Variants in GRIK1 observed in about 807,000 individuals in gnomAD.
GRIK1 encodes the protein glutamate ionotropic receptor kainate type subunit 1.
In GRIK1, 69 loss-of-function variants were observed where a neutral mutation model predicts 105.7. The ratio of observed to expected loss-of-function variants is 0.65; its 90% CI spans 0.54 to 0.80. GRIK1 has a LOEUF of 0.80. GRIK1 is among the 30% of genes least tolerant of loss of function. The probability of loss-of-function intolerance (pLI) is 0.00; values close to 1 mark genes in which losing one functional copy is unlikely to be tolerated. For missense variants in GRIK1, 1,109 were observed against 1,167.3 expected (o/e 0.95, Z 0.73); for synonymous variants, 438 against 431.3 (o/e 1.02, Z -0.19).
intron 1 of GRIK1, among the ~76,000 whole-genome samples, chr21:29,808,487 T>C (rs2066921723): frequency 6.6e-6 from 1 of 152,170 alleles, no homozygotes; most frequent in Non-Finnish European, 1.5e-5. Flanking sequence ...ATTGCCAATC[T>C]GATATGCTAT....
At chr21:29,865,599 A>G (rs1332590564) in intron 1 of GRIK1, among the ~76,000 whole-genome samples, 3 of 152,236 alleles carry the variant, frequency 2.0e-5, no homozygotes, top group Admixed American at 6.5e-5. Context: ...TGGGAACCTC[A>G]AACATCACTT....
Position 29,616,296 on chromosome 21 carries a change from A to G in GRIK1, c.1099-17359T>C, listed in dbSNP as rs184343880. Reference sequence around the variant, plus strand: ...GGGATACGGTACTCTCTTGTCCATCAAGCAAATACGTTTAGATTTAAAAAA... The same window carrying G: ...GGGATACGGTACTCTCTTGTCCATCGAGCAAATACGTTTAGATTTAAAAAA... On this transcript the variant is annotated intron_variant, in intron 7 of 17. Coordinates refer to ENST00000327783, the MANE Select transcript of GRIK1 (RefSeq NM_001330994.2). Among the ~76,000 whole-genome samples, 13 of 152,256 alleles carry G rather than the reference A, an allele frequency of 8.5e-5. No individual in the cohort carries two copies. In the East Asian group the frequency reaches 1.9e-3, roughly 23 times the overall value.
At chr21:29,847,457 T>C (rs1172885089) in intron 1 of GRIK1, among the ~76,000 whole-genome samples, 1 of 152,028 alleles carries the variant, frequency 6.6e-6, no homozygotes, top group African/African-American at 2.4e-5. Context: ...TAGCTGGGCG[T>C]GGTAGTGCGA....
chr21:29,680,572 C>T (rs145447686), intron 3 of GRIK1, among the ~76,000 whole-genome samples: 2,670 of 152,236 alleles, frequency 0.018, 37 homozygotes, highest in Middle Eastern at 0.037. Flanking sequence ...ATGGTTTTAG[C>T]GAACCACGGT....
At chr21:29,862,482 G>A (rs1601880904) in intron 1 of GRIK1, among the ~76,000 whole-genome samples, 2 of 420 alleles carry the variant, frequency 4.8e-3, no homozygotes, top group South Asian at 0.17. Flanking sequence ...AGTAAAACAG[G>A]ATTATTAGCT....
intron 7 of GRIK1, among the ~76,000 whole-genome samples, chr21:29,604,064 A>G (rs1304725427): frequency 6.6e-6 from 1 of 152,206 alleles, no homozygotes; most frequent in African/African-American, 2.4e-5. Flanking sequence ...CATATGGCTT[A>G]TAGCGGGGTC....
intron 1 of GRIK1, among the ~76,000 whole-genome samples, chr21:29,776,802 T>A (rs1452302643): frequency 1.3e-5 from 2 of 152,192 alleles, no homozygotes; most frequent in Non-Finnish European, 2.9e-5. Flanking sequence ...TTGCCAGGGA[T>A]CTTAGGTAGA....
chr21:29,883,544 T>C (rs186063792), intron 1 of GRIK1, among the ~76,000 whole-genome samples: 58 of 151,892 alleles, frequency 3.8e-4, no homozygotes, highest in African/African-American at 1.4e-3. Context: ...TCCTTCCAAA[T>C]AGAAAAAATA....
intron 3 of GRIK1, among the ~76,000 whole-genome samples, chr21:29,683,633 G>T (rs8126596): frequency 0.014 from 2,142 of 152,228 alleles, 49 homozygotes; most frequent in African/African-American, 0.05. Flanking sequence ...GAGGAGGGAG[G>T]CAAGGGCTGA....
At chr21:29,794,720 G>T (rs1431221587) in intron 1 of GRIK1, among the ~76,000 whole-genome samples, 1 of 152,070 alleles carries the variant, frequency 6.6e-6, no homozygotes, top group African/African-American at 2.4e-5. Flanking sequence ...TTGTGTTATT[G>T]TACAGTTTGT....
At chr21:29,742,305 A>G (rs2064950125) in intron 1 of GRIK1, among the ~76,000 whole-genome samples, 2 of 152,224 alleles carry the variant, frequency 1.3e-5, no homozygotes, top group Non-Finnish European at 2.9e-5. Context: ...TTTATTAGAA[A>G]TACATTAAAT....
At position 29,876,475 on chromosome 21, in the gene GRIK1, C is replaced by T. The variant is rs969631762; in HGVS notation, c.118+62908G>A. Among the ~76,000 whole-genome samples, 15 of 152,138 alleles carry T rather than the reference C, an allele frequency of 9.9e-5. No homozygotes were observed. The East Asian group carries it at 2.9e-3, about 29-fold the overall frequency. ...ATGCTTTGACGATACCAGAATCTAC[C>T]CCCTACTGGTGTACATTTTTCATCA... is the stretch of plus-strand genomic sequence containing the variant. On this transcript the variant is annotated intron_variant, in intron 1 of 17. Transcript: ENST00000327783.
At chr21:29,630,248 A>T (rs966903042) in intron 7 of GRIK1, among the ~76,000 whole-genome samples, 1 of 152,156 alleles carries the variant, frequency 6.6e-6, no homozygotes, top group African/African-American at 2.4e-5. Flanking sequence ...GAGAAATTTG[A>T]CACTATATAG....
chr21:29,777,342 A>AT (rs926885268), intron 1 of GRIK1, among the ~76,000 whole-genome samples: 1 of 152,174 alleles, frequency 6.6e-6, no homozygotes, highest in African/African-American at 2.4e-5. Context: ...ATTTATATTA[A>AT]TCATTAACAA....
At chr21:29,687,619 G>T (rs910899893) in intron 3 of GRIK1, among the ~76,000 whole-genome samples, 1 of 152,162 alleles carries the variant, frequency 6.6e-6, no homozygotes, top group Non-Finnish European at 1.5e-5. Flanking sequence ...ACTGAGCACA[G>T]GTGAACTTGA....
chr21:29,867,101 C>T (rs558014905), intron 1 of GRIK1, among the ~76,000 whole-genome samples: 32 of 152,100 alleles, frequency 2.1e-4, no homozygotes, highest in South Asian at 4.2e-4. Flanking sequence ...GCTCAATAAC[C>T]TTTTGGAAAA....
At position 29,560,401 on chromosome 21, in the gene GRIK1, CT is replaced by C. The variant is rs1266910692; in HGVS notation, c.2356+1222del. Among the ~76,000 whole-genome samples, 760 of 79,874 alleles carry C rather than the reference CT, an allele frequency of 9.5e-3. 122 individuals carry two copies. Among genetic ancestry groups the C allele is most frequent in the African/African-American group, 0.049 (691 of 13,968 alleles). The allele number at this position is 79,874 out of a possible 152,430, so 52.4% of individuals were successfully genotyped here. On this transcript the variant is annotated intron_variant, in intron 15 of 17. Transcript: ENST00000327783. ...CCTTCCTTCCTTCCTTCCTTCCTTC[CT>C]TTCTTTCTTTCTTTCTTTCTTTCTT...
chr21:29,710,795 CCTTCCTTCCTTCCTTCCT>C (rs1569001473), intron 1 of GRIK1, among the ~76,000 whole-genome samples: 2 of 13,054 alleles, frequency 1.5e-4, no homozygotes, highest in African/African-American at 3.9e-4. Context: ...CTCCCTCCTT[CCTTCCTTCCTTCCTTCCT>C]TCCTTCCTTC....
chr21:29,677,908 C>T (rs144991496), intron 3 of GRIK1, among the ~76,000 whole-genome samples: 6 of 152,324 alleles, frequency 3.9e-5, no homozygotes, highest in African/African-American at 1.4e-4. Flanking sequence ...TGCTGAACAC[C>T]TCTCAGTGTG....
Sources: gnomAD v4.1 joint callset for allele counts (sites outside exome capture counted in the v4.1 genomes callset) on GRCh38, gnomAD v4.1.1 for gene constraint, MANE v1.5 for transcripts, NCBI Gene and HGNC (gene_info 2026-07-23, HGNC 2026-07-21) for gene names.